NCOA6: variants seen among roughly 807,000 people sequenced by gnomAD.
NCOA6 encodes NRC RAP250.
NCOA6 carries 49 observed loss-of-function variants against 171.4 expected under a neutral mutation model. That is an observed-to-expected ratio of 0.29 (90% CI 0.23 to 0.36). The LOEUF (loss-of-function observed/expected upper bound fraction) is 0.36, where lower values mean the gene tolerates loss of function less well. NCOA6 is among the 10% of genes least tolerant of loss of function. The pLI, the probability that NCOA6 is intolerant of heterozygous loss-of-function variation, is 1.00. For missense variants in NCOA6, 2,248 were observed against 2,554.5 expected (o/e 0.88, Z 2.59); for synonymous variants, 910 against 927.5 (o/e 0.98, Z 0.34).
At chr20:34,715,477 ATCTG>A (rs999399268) in intron 14 of NCOA6, 112 bp from the exon 15 acceptor site, 8 of 783,312 alleles carry the variant, frequency 1.0e-5, no homozygotes, top group Non-Finnish European at 1.8e-5. Context: ...TCAACTCAGA[ATCTG>A]TCTAAGGGGT....
chr20:34,723,557 T>A, intron 14 of NCOA6, among the ~76,000 whole-genome samples: 1 of 152,130 alleles, frequency 6.6e-6, no homozygotes, highest in Non-Finnish European at 1.5e-5. Context: ...CACCCCTCCA[T>A]GCAAGATCAC....
At chr20:34,723,324 G>T (rs999062833) in intron 14 of NCOA6, among the ~76,000 whole-genome samples, 1 of 152,182 alleles carries the variant, frequency 6.6e-6, no homozygotes, top group East Asian at 1.9e-4. Context: ...CTGATGACTT[G>T]CTTGATGTGT....
At chr20:34,759,533 T>C (rs2145847275) in intron 5 of NCOA6, among the ~76,000 whole-genome samples, 1 of 152,324 alleles carries the variant, frequency 6.6e-6, no homozygotes, top group South Asian at 2.1e-4. Flanking sequence ...AACTGCACTT[T>C]TTCTGTAGAT....
At position 34,736,848 on chromosome 20, in the gene NCOA6, T is replaced by C. The variant is rs369190631; in HGVS notation, c.5894-90A>G. 2.7e-5 allele frequency: 30 copies of C among 1,123,232 alleles called. No individual in the cohort carries two copies. In the East Asian group the frequency reaches 5.3e-4, roughly 20 times the overall value. The allele number at this position is 1,123,232 out of a possible 1,614,324, so 69.6% of individuals were successfully genotyped here. On this transcript the variant is annotated intron_variant, in intron 11 of 14. Transcript: ENST00000359003. ...ACCTAATCAAGGGCTAAGTAACTGC[T>C]GAAACAATGTACTCTTAGAGGGCAG...
Position 34,768,466 on chromosome 20 carries a change from G to T in NCOA6, c.512C>A (p.Pro171Gln). Residue 171 changes from proline (P) to glutamine (Q), a missense_variant and splice_region_variant, in exon 5 of 15, where the codon CCA becomes CAA. This residue lies in a region of NCOA6 where 987 missense variants were observed against 1,104.7 expected (regional missense o/e 0.89). Transcript: ENST00000359003. ...MEAGFPMASG[P>Q]GIIRMNNPAT... ...TACAATTGAGTGGGAGGTCTTACCTGGACCACTTGCCATAGGAAATCCCGC... is the reference window on the plus strand; with the variant it reads ...TACAATTGAGTGGGAGGTCTTACCTTGACCACTTGCCATAGGAAATCCCGC... 6 of 1,614,002 alleles carry T rather than the reference G, an allele frequency of 3.7e-6. No homozygotes were observed. The highest frequency in any genetic ancestry group is 4.2e-6 in the Non-Finnish European group (5 of 1,179,986).
intron 1 of NCOA6, among the ~76,000 whole-genome samples, chr20:34,797,120 A>G (rs1026455918): frequency 3.3e-5 from 5 of 152,088 alleles, no homozygotes; most frequent in African/African-American, 9.7e-5. Context: ...TTGACTCATG[A>G]TAAGAACCTG....
chr20:34,808,916 T>A (rs550266902), intron 1 of NCOA6, among the ~76,000 whole-genome samples: 37 of 152,282 alleles, frequency 2.4e-4, no homozygotes, highest in African/African-American at 8.7e-4. Flanking sequence ...AGCTAAAGTT[T>A]TATCTGTGTG....
In NCOA6 at chr20:34,757,611, G is replaced by A. The variant is rs777475145; in HGVS notation, c.1137C>T (p.Gly379=). Residue 379 remains glycine (G), a synonymous_variant, in exon 7 of 15, where the codon GGC becomes GGT. Coordinates refer to ENST00000359003, the MANE Select transcript of NCOA6 (RefSeq NM_014071.5). ...TGTGGGCTTGTGAGGCTTGCTGGCT[G>A]CCAAAGGGATATGGAGGGGGAGGGT... ...PSHPPPPYPF[G]SQQASQAHTN... is the part of the protein sequence containing the mutation. 6.2e-7 allele frequency: 1 copy of A among 1,613,916 alleles called. No individual in the cohort carries two copies.
At chr20:34,809,509 A>T in intron 1 of NCOA6, 2 of 398,576 alleles carry the variant, frequency 5.0e-6, no homozygotes, top group Non-Finnish European at 4.4e-6. Context: ...ACCCCTCTCC[A>T]TTCCTCCCAG....
At chr20:34,778,368 G>T (rs1211372245) in intron 3 of NCOA6, among the ~76,000 whole-genome samples, 2 of 152,122 alleles carry the variant, frequency 1.3e-5, no homozygotes, top group Non-Finnish European at 2.9e-5. Context: ...TAGAATGGTG[G>T]TTTCCAGGGA....
rs1161178031 is a variant in NCOA6 at position 34,742,570 on chromosome 20, G to A, written c.3686C>T (p.Pro1229Leu). Residue 1229 changes from proline to leucine, a missense_variant, in exon 11 of 15, where the codon CCT (proline) becomes CTT (leucine). Transcript: ENST00000359003. ...PYYPQTPNNR[P>L]PSTEPSEISL... ...GATTTCTGAAGGTTCTGTGCTGGGA[G>A]GGCGGTTGTTGGGTGTCTGAGGATA... The A allele has an allele frequency of 6.2e-7, 1 of 1,614,216 alleles. No individual in the cohort carries two copies. Among genetic ancestry groups the A allele is most frequent in the Admixed American group, 1.7e-5 (1 of 60,026 alleles).
At position 34,740,753 on chromosome 20, in the gene NCOA6, C is replaced by T. The variant is rs1373091951; in HGVS notation, c.5503G>A (p.Val1835Ile). 1 of 1,614,248 alleles carries T rather than the reference C, an allele frequency of 6.2e-7. No individual in the cohort carries two copies. The highest frequency in any genetic ancestry group is 1.7e-5 in the Admixed American group (1 of 60,030). ...QILLTKACKK[V>I]TGSLEKGEEQ... The stretch of plus-strand genomic sequence containing the variant: ...TCCCCTTTCTCAAGAGAGCCTGTAA[C>T]TTTCTTACATGCCTTGGTCAACAAA... The change falls in exon 11 of 15, where the codon GTT becomes ATT. Residue 1835 changes from valine (V) to isoleucine (I), a missense_variant. Val to Ile is a conservative substitution (Grantham distance 29, BLOSUM62 3). This residue lies in a region of NCOA6 where 884 missense variants were observed against 941.9 expected (regional missense o/e 0.94). Transcript: ENST00000359003.
At chr20:34,761,186 C>G (rs1353830323) in intron 5 of NCOA6, among the ~76,000 whole-genome samples, 1 of 152,144 alleles carries the variant, frequency 6.6e-6, no homozygotes, top group Admixed American at 6.5e-5. Flanking sequence ...TTACTTATCT[C>G]TATTCTTATC....
chr20:34,762,895 T>C (rs187537838), intron 5 of NCOA6, among the ~76,000 whole-genome samples: 1 of 152,332 alleles, frequency 6.6e-6, no homozygotes, highest in Non-Finnish European at 1.5e-5. Context: ...ATGTTTAAAA[T>C]TCTAGGCTGT....
intron 10 of NCOA6, among the ~76,000 whole-genome samples, chr20:34,744,945 T>C (rs2145624654): frequency 1.3e-5 from 2 of 152,220 alleles, no homozygotes; most frequent in Middle Eastern, 6.8e-3. Context: ...TATAGCAGCC[T>C]CTCAAAAGTA....
At chr20:34,760,226 A>G (rs2076776098) in intron 5 of NCOA6, among the ~76,000 whole-genome samples, 1 of 152,196 alleles carries the variant, frequency 6.6e-6, no homozygotes, top group Admixed American at 6.5e-5. Flanking sequence ...GCAGTGAGCT[A>G]TGATCATGCC....
chr20:34,727,885 T>C (rs1990163354), intron 13 of NCOA6, among the ~76,000 whole-genome samples: 1 of 151,848 alleles, frequency 6.6e-6, no homozygotes, highest in South Asian at 2.1e-4. Flanking sequence ...CACCACGCCC[T>C]GCTAATTTTT....
rs1254890801 is a variant in NCOA6, at chr20:34,775,176, TGGA to T, written c.391+1114_391+1116del. Among the ~76,000 whole-genome samples the T allele has an allele frequency of 1.9e-4, 29 of 152,128 alleles. 1 individual carries two copies. Among genetic ancestry groups the T allele is most frequent in the African/African-American group, 6.7e-4 (28 of 41,502 alleles). The stretch of plus-strand genomic sequence containing the variant: ...GGAGGAAAGTTACACAAGATAAGGC[TGGA>T]TGAGGAAGGTAGAGGTGAGACCATG... On this transcript the variant is annotated intron_variant, in intron 4 of 14. Transcript: ENST00000359003.
chr20:34,747,290 C>T (rs943424187), intron 9 of NCOA6, among the ~76,000 whole-genome samples: 6 of 152,130 alleles, frequency 3.9e-5, no homozygotes, highest in Non-Finnish European at 5.9e-5. Flanking sequence ...TTCAATGTAG[C>T]GATCAAATTC....
Sources: gnomAD v4.1 joint callset for allele counts (sites outside exome capture counted in the v4.1 genomes callset) on GRCh38, gnomAD v4.1.1 for gene constraint, gnomAD v4.1.1 regional missense constraint, MANE v1.5 for transcripts, NCBI Gene and HGNC (gene_info 2026-07-23, HGNC 2026-07-21) for gene names.